Variants in SLC18A1 observed in about 807,000 individuals in gnomAD.
The protein encoded by SLC18A1 is solute carrier family 18 member A1, also known as chromaffin granule amine transporter.
Under a neutral mutation model 53.7 loss-of-function variants are expected in SLC18A1, and 69 were observed. That is an observed-to-expected ratio of 1.28 (90% CI 1.06 to 1.57). The LOEUF (loss-of-function observed/expected upper bound fraction) is 1.57, where lower values mean the gene tolerates loss of function less well. SLC18A1 is among the 40% of genes most tolerant of loss of function. The pLI, the probability that SLC18A1 is intolerant of heterozygous loss-of-function variation, is 0.00. For synonymous variants in SLC18A1, 320 were observed against 248.1 expected, an observed-to-expected ratio of 1.29 and a Z score of -2.72; for missense variants, 932 against 668.1, an observed-to-expected ratio of 1.40 and a Z score of -4.35.
intron 4 of SLC18A1, chr8:20,175,243 CTTTTTT>C (rs2072226776): frequency 2.6e-5 from 4 of 152,136 alleles, no homozygotes; most frequent in African/African-American, 9.7e-5. Flanking sequence ...TTATCCTATT[CTTTTTT>C]CAAGGTTCTG....
At chr8:20,149,587 TCC>T (rs1332652112) in intron 12 of SLC18A1, 87 bp downstream of exon 12, 2,488 of 884,826 alleles carry the variant, frequency 2.8e-3, no homozygotes, top group East Asian at 0.015. Context: ...TCTCTCTCTC[TCC>T]CTCTCTCTCT....
chr8:20,169,361 G>A (rs995510756), intron 8 of SLC18A1, among the ~76,000 whole-genome samples: 8 of 151,934 alleles, frequency 5.3e-5, no homozygotes, highest in Non-Finnish European at 1.0e-4. Flanking sequence ...AGACATTATC[G>A]GAATAATTGA....
At chr8:20,149,310 G>C (rs186833371) in intron 12 of SLC18A1, among the ~76,000 whole-genome samples, 2 of 151,944 alleles carry the variant, frequency 1.3e-5, no homozygotes, top group Non-Finnish European at 2.9e-5. Context: ...GTCATAAAAC[G>C]CACCATTTTG....
chr8:20,176,629 A>T (rs932545071), intron 4 of SLC18A1, among the ~76,000 whole-genome samples: 2 of 152,180 alleles, frequency 1.3e-5, no homozygotes, highest in African/African-American at 2.4e-5. Flanking sequence ...GTTTAAGGGT[A>T]GTAACGGGCA....
In SLC18A1 at chr8:20,180,957, C is replaced by A; in HGVS notation, c.8G>T (p.Arg3Leu). The stretch of plus-strand genomic sequence containing the variant: ...CCGCTGGGGAGCATCCAGAATGGTC[C>A]GGAGCATGGTGATGGCCGGACTGGG... Reference protein sequence around the residue: MLRTILDAPQRLL... With the variant: MLLTILDAPQRLL... The change falls in exon 2 of 16, where the codon CGG becomes CTG. Residue 3 changes from arginine (R) to leucine (L), a missense_variant. Physicochemically the swap from Arg to Leu is moderately radical, Grantham distance 102. Transcript: ENST00000276373. The A allele has an allele frequency of 6.4e-7, 1 of 1,572,140 alleles. No homozygotes were observed. Among genetic ancestry groups the A allele is most frequent in the South Asian group, 1.2e-5 (1 of 86,030 alleles).
chr8:20,149,878 C>T, intron 11 of SLC18A1, 151 bp from the exon 12 acceptor site: 3 of 672,424 alleles, frequency 4.5e-6, no homozygotes, highest in Non-Finnish European at 2.7e-6. Context: ...CAGTTTGTAC[C>T]CAAATGAGCT....
intron 8 of SLC18A1, among the ~76,000 whole-genome samples, chr8:20,167,900 C>T (rs746057534): frequency 1.6e-4 from 24 of 152,000 alleles, no homozygotes; most frequent in Non-Finnish European, 3.2e-4. Context: ...GGATTACAGG[C>T]GTGAACCACC....
At chr8:20,147,204 G>A (rs2071422338) in intron 15 of SLC18A1, 54 bp downstream of exon 15, 3 of 1,551,720 alleles carry the variant, frequency 1.9e-6, no homozygotes, top group Non-Finnish European at 2.6e-6. Flanking sequence ...GAATGAGAGA[G>A]ATGATGGAAA....
intron 10 of SLC18A1, among the ~76,000 whole-genome samples, chr8:20,154,079 T>C (rs562530052): frequency 1.7e-4 from 26 of 152,288 alleles, no homozygotes; most frequent in African/African-American, 6.0e-4. Flanking sequence ...CCTGAGGCCC[T>C]CACCAGAGGC....
Position 20,145,853 on chromosome 8 carries a change from G to T in SLC18A1, c.1488C>A (p.Pro496=). The T allele has an allele frequency of 6.2e-7, 1 of 1,609,898 alleles. No individual in the cohort carries two copies. The highest frequency in any genetic ancestry group is 2.2e-5 in the East Asian group (1 of 44,712). The change falls in exon 16 of 16, where the codon CCC becomes CCA. Residue 496 remains proline (P), a synonymous_variant. Transcript: ENST00000276373. ...EKLAILSQDC[P]METRMYATQK... ...GGGTTGCATACATCCGGGTCTCCAT[G>T]GGGCAGTCCTGACTCAGAATAGCCT...
At chr8:20,172,944 G>A (rs904147666) in intron 6 of SLC18A1, 92 bp downstream of exon 6, 17 of 876,774 alleles carry the variant, frequency 1.9e-5, no homozygotes, top group Non-Finnish European at 2.8e-5. Context: ...GGCCAACAAG[G>A]GAAGGAAAAT....
intron 7 of SLC18A1, 75 bp downstream of exon 7, chr8:20,171,330 G>A (rs2128877400): frequency 1.5e-6 from 2 of 1,371,722 alleles, no homozygotes; most frequent in East Asian, 2.3e-5. Context: ...TCTTAGTGAA[G>A]ACTGACACTA....
At chr8:20,146,697 G>A (rs1470871564) in intron 15 of SLC18A1, among the ~76,000 whole-genome samples, 1 of 152,068 alleles carries the variant, frequency 6.6e-6, no homozygotes, top group Non-Finnish European at 1.5e-5. Context: ...GGTGGTACAT[G>A]CCTGTAATCC....
rs747312806 is a variant in SLC18A1 at position 20,145,854 on chromosome 8, G to A, written c.1487C>T (p.Pro496Leu). ...EKLAILSQDC[P>L]METRMYATQK... ...GGTTGCATACATCCGGGTCTCCATG[G>A]GGCAGTCCTGACTCAGAATAGCCTG... The change falls in exon 16 of 16, where the codon CCC becomes CTC. Residue 496 changes from proline to leucine, a missense_variant. Coordinates refer to ENST00000276373, the MANE Select transcript of SLC18A1 (RefSeq NM_003053.4). 1 of 1,609,818 alleles carries A rather than the reference G, an allele frequency of 6.2e-7. No homozygotes were observed. The highest frequency in any genetic ancestry group is 1.1e-5 in the South Asian group (1 of 90,016).
rs964932741 is a variant in SLC18A1, at chr8:20,182,877, A to T, written c.-124+186T>A. Among the ~76,000 whole-genome samples the T allele has an allele frequency of 2.6e-5, 4 of 152,250 alleles. No homozygotes were observed. The South Asian group carries it at 8.3e-4, about 31-fold the overall frequency. On this transcript the variant is annotated intron_variant, in intron 1 of 15. Transcript: ENST00000276373. ...GACAAGCCATGGAAAATTAAAAAAC[A>T]TAGTGAGTGAAGTAAGTACTACAAA...
chr8:20,163,142 G>A (rs1005361009), intron 10 of SLC18A1, among the ~76,000 whole-genome samples: 2 of 152,102 alleles, frequency 1.3e-5, no homozygotes, highest in Non-Finnish European at 2.9e-5. Context: ...CCTGGTTGCT[G>A]GATCATAACA....
intron 10 of SLC18A1, 56 bp from the exon 11 acceptor site, chr8:20,150,800 C>T (rs1423289956): frequency 4.0e-6 from 6 of 1,484,952 alleles, no homozygotes; most frequent in African/African-American, 1.4e-5. Flanking sequence ...TCTAAAATGC[C>T]TTGTCTCGTA....
intron 10 of SLC18A1, among the ~76,000 whole-genome samples, chr8:20,161,852 G>T (rs1421968505): frequency 6.6e-6 from 1 of 152,072 alleles, no homozygotes; most frequent in African/African-American, 2.4e-5. Context: ...GGTCTTTCCG[G>T]GCTGAGTCTA....
At chr8:20,171,815 T>G (rs1281260952) in intron 6 of SLC18A1, among the ~76,000 whole-genome samples, 1 of 152,156 alleles carries the variant, frequency 6.6e-6, no homozygotes, top group Non-Finnish European at 1.5e-5. Flanking sequence ...GCACAGTCAA[T>G]GTCTCAGGAA....
Sources: gnomAD v4.1 joint callset for allele counts (sites outside exome capture counted in the v4.1 genomes callset) on GRCh38, gnomAD v4.1.1 for gene constraint, MANE v1.5 for transcripts, NCBI Gene and HGNC (gene_info 2026-07-23, HGNC 2026-07-21) for gene names.